STARD13: variants seen among roughly 807,000 people sequenced by gnomAD.
STARD13 encodes stAR-related lipid transfer protein 13.
In STARD13, 62 loss-of-function variants were observed where a neutral mutation model predicts 106.4. That is an observed-to-expected ratio of 0.58 (90% CI 0.48 to 0.72). The LOEUF (loss-of-function observed/expected upper bound fraction) is 0.72. Among genes scored for constraint, STARD13 ranks in the 30% least tolerant of loss-of-function variants. The probability of loss-of-function intolerance (pLI) is 0.00; values close to 1 mark genes in which losing one functional copy is unlikely to be tolerated. For missense variants in STARD13, 1,387 were observed against 1,424.0 expected (o/e 0.97, Z 0.42); for synonymous variants, 565 against 553.0 (o/e 1.02, Z -0.31).
chr13:33,530,502 A>T, the STARD13 span, among the ~76,000 whole-genome samples: 1 of 151,878 alleles, frequency 6.6e-6, no homozygotes, highest in African/African-American at 2.4e-5. Context: ...TCTGTAATTT[A>T]TTTTTGTTAT....
upstream of STARD13, among the ~76,000 whole-genome samples, chr13:33,353,538 A>G (rs2078099580): frequency 6.6e-6 from 1 of 152,196 alleles, no homozygotes; most frequent in Non-Finnish European, 1.5e-5. Flanking sequence ...TATGTGGTTA[A>G]GAGTGTGGCT....
the STARD13 span, among the ~76,000 whole-genome samples, chr13:33,526,061 CTTA>C: frequency 1.0e-3 from 155 of 151,900 alleles, 2 homozygotes; most frequent in African/African-American, 3.4e-3. Context: ...TACGATGTTG[CTTA>C]TGATGACAAT....
At chr13:33,545,172 C>A in the STARD13 span, among the ~76,000 whole-genome samples, 1 of 152,136 alleles carries the variant, frequency 6.6e-6, no homozygotes, top group Non-Finnish European at 1.5e-5. Context: ...GTTGGTCAGG[C>A]TGGTCTCGAA....
the STARD13 span, among the ~76,000 whole-genome samples, chr13:33,368,848 G>C: frequency 6.6e-6 from 1 of 151,962 alleles, no homozygotes; most frequent in African/African-American, 2.4e-5. Flanking sequence ...AGGAGTTTCC[G>C]GCCTCCAGGA....
At chr13:33,348,766 T>A (rs1474593531) in exon 2 of STARD13, 4 of 238,492 alleles carry the variant, frequency 1.7e-5, no homozygotes, top group Admixed American at 9.3e-5. Context: ...ACATCAACAG[T>A]CAAAACTGCT....
At chr13:33,302,222 C>T (rs1032363209) in intron 1 of STARD13, among the ~76,000 whole-genome samples, 2 of 152,100 alleles carry the variant, frequency 1.3e-5, no homozygotes, top group Non-Finnish European at 2.9e-5. Flanking sequence ...CTAAGAGACT[C>T]TAAAATGAAG....
At chr13:33,156,671 C>T (rs190427816) in intron 3 of STARD13, among the ~76,000 whole-genome samples, 3 of 152,268 alleles carry the variant, frequency 2.0e-5, no homozygotes, top group Non-Finnish European at 4.4e-5. Flanking sequence ...ATGTTAACAG[C>T]CCATCTTTAC....
the STARD13 span, among the ~76,000 whole-genome samples, chr13:33,361,294 A>G: frequency 2.3e-4 from 34 of 148,028 alleles, no homozygotes; most frequent in African/African-American, 8.1e-4. Flanking sequence ...ATGAATAGTG[A>G]ATATATCTTC....
At chr13:33,174,311 ATTTT>A (rs752740034) in intron 1 of STARD13, among the ~76,000 whole-genome samples, 1 of 151,198 alleles carries the variant, frequency 6.6e-6, no homozygotes. Context: ...ACACTTATGC[ATTTT>A]TTTTTCTTTG....
the STARD13 span, among the ~76,000 whole-genome samples, chr13:33,471,847 T>A: frequency 1.3e-5 from 2 of 152,212 alleles, no homozygotes; most frequent in East Asian, 3.8e-4. Flanking sequence ...CTAAATTTAC[T>A]ATTTCCTAGA....
chr13:33,158,089 C>T (rs1566033991), intron 3 of STARD13, among the ~76,000 whole-genome samples: 1 of 152,124 alleles, frequency 6.6e-6, no homozygotes, highest in Non-Finnish European at 1.5e-5. Context: ...TGCAGCCTTG[C>T]TGAAGCAACA....
intron 5 of STARD13, among the ~76,000 whole-genome samples, chr13:33,127,968 C>CAG (rs1877489335): frequency 6.7e-6 from 1 of 149,544 alleles, no homozygotes; most frequent in South Asian, 2.2e-4. Context: ...TAGACAGAAG[C>CAG]AGAGAGAGCA....
chr13:33,606,517 C>A, the STARD13 span, among the ~76,000 whole-genome samples: 1 of 152,018 alleles, frequency 6.6e-6, no homozygotes, highest in Non-Finnish European at 1.5e-5. Context: ...AATCTAACTT[C>A]TTGGGTTGTA....
chr13:33,382,259 G>A, the STARD13 span, among the ~76,000 whole-genome samples: 1 of 152,152 alleles, frequency 6.6e-6, no homozygotes, highest in Non-Finnish European at 1.5e-5. Context: ...AGTCAATCCA[G>A]TTATAGAAGT....
the STARD13 span, among the ~76,000 whole-genome samples, chr13:33,636,076 A>T: frequency 1.4e-5 from 2 of 138,070 alleles, no homozygotes; most frequent in Admixed American, 8.0e-5. Flanking sequence ...CAGGAAGTGG[A>T]GGTTGCAGTG....
Position 33,112,799 on chromosome 13 carries a change from A to G in STARD13, c.2414T>C (p.Met805Thr). The change falls in exon 9 of 14, where the codon ATG becomes ACG. Residue 805 changes from methionine to threonine, a missense_variant. Met to Thr is a moderately conservative substitution (Grantham distance 81, BLOSUM62 -1). Coordinates refer to ENST00000336934, the MANE Select transcript of STARD13 (RefSeq NM_178006.4). Reference sequence around the variant, plus strand: ...ACACACTGCCAGGTTCATGGGCGTCATCTGATTCTCTTCCACCAAGTTGAC... The same window carrying G: ...ACACACTGCCAGGTTCATGGGCGTCGTCTGATTCTCTTCCACCAAGTTGAC... ...DVVNLVEENQ[M>T]TPMNLAVCLA... is the part of the protein sequence containing the mutation. 1 of 1,614,026 alleles carries G rather than the reference A, an allele frequency of 6.2e-7. No homozygotes were observed.
chr13:33,227,902 T>C (rs1888705712), intron 1 of STARD13, among the ~76,000 whole-genome samples: 1 of 152,146 alleles, frequency 6.6e-6, no homozygotes, highest in Admixed American at 6.5e-5. Flanking sequence ...CCTGACAACA[T>C]GTGAGAAGCT....
In STARD13 at chr13:33,350,242, C is replaced by T. The variant is rs1214733789; in HGVS notation, c.124+48G>A. ...GGCGGGCCCGGGCGGGCTACGGGGC[C>T]GGCGCCTCCCCCGCCCCCGTGGGTC... On this transcript the variant is annotated intron_variant, in intron 1 of 1. Transcript: ENST00000439831. 5.3e-6 allele frequency: 8 copies of T among 1,498,754 alleles called. No individual in the cohort carries two copies. The Admixed American group carries it at 8.5e-5, about 16-fold the overall frequency. The allele number at this position is 1,498,754 out of a possible 1,614,324, so 92.8% of individuals were successfully genotyped here. A position where few individuals can be genotyped will look rare whatever the true frequency, so the allele number is the denominator to read the frequency against.
At chr13:33,466,290 C>G in the STARD13 span, among the ~76,000 whole-genome samples, 5 of 152,168 alleles carry the variant, frequency 3.3e-5, no homozygotes, top group Non-Finnish European at 5.9e-5. Flanking sequence ...TGACGGGACT[C>G]TAACTCTCCA....
Sources: allele counts gnomAD v4.1 joint callset (sites outside exome capture counted in the v4.1 genomes callset), GRCh38; gene constraint gnomAD v4.1.1; transcripts MANE v1.5; gene names NCBI Gene and HGNC (gene_info 2026-07-23, HGNC 2026-07-21).